The following FRMD4A variants were observed in gnomAD, a reference collection of about 807,000 sequenced individuals.
The protein encoded by FRMD4A is FERM domain containing 4A, also known as FERM domain-containing protein 4A.
A neutral mutation model predicts 129.1 loss-of-function variants in FRMD4A; 29 were observed. That is an observed-to-expected ratio of 0.22 (90% CI 0.17 to 0.31). The LOEUF (loss-of-function observed/expected upper bound fraction) is 0.31, where lower values mean the gene tolerates loss of function less well. Ranked by LOEUF, FRMD4A falls within the 10% of genes least tolerant of loss-of-function variation. The probability of loss-of-function intolerance (pLI) is 1.00; values close to 1 mark genes in which losing one functional copy is unlikely to be tolerated. For synonymous variants in FRMD4A, 634 were observed against 571.6 expected, an observed-to-expected ratio of 1.11 and a Z score of -1.56; for missense variants, 1,272 against 1,375.8, an observed-to-expected ratio of 0.92 and a Z score of 1.19.
intron 2 of FRMD4A, among the ~76,000 whole-genome samples, chr10:14,181,549 G>T (rs569273166): frequency 6.6e-6 from 1 of 152,160 alleles, no homozygotes; most frequent in South Asian, 2.1e-4. Flanking sequence ...CTTTTGTTGG[G>T]TTATTTCCAA....
intron 2 of FRMD4A, among the ~76,000 whole-genome samples, chr10:14,036,093 A>T (rs117205748): frequency 0.011 from 1,676 of 152,114 alleles, 11 homozygotes; most frequent in Middle Eastern, 0.027. Context: ...TGCAGTAAGG[A>T]TTAGTGTCTC....
At chr10:13,730,179 G>A (rs1162838164) in intron 12 of FRMD4A, among the ~76,000 whole-genome samples, 1 of 152,146 alleles carries the variant, frequency 6.6e-6, no homozygotes, top group East Asian at 1.9e-4. Context: ...GAGCTCTCAG[G>A]CTTTCTCGGG....
chr10:14,067,216 T>C (rs1046810716), intron 2 of FRMD4A, among the ~76,000 whole-genome samples: 1 of 151,810 alleles, frequency 6.6e-6, no homozygotes, highest in Admixed American at 6.6e-5. Context: ...CTCGGGAGGC[T>C]GAGGCAGGAG....
At chr10:13,787,485 G>A (rs1421212071) in intron 5 of FRMD4A, among the ~76,000 whole-genome samples, 1 of 151,982 alleles carries the variant, frequency 6.6e-6, no homozygotes, top group African/African-American at 2.4e-5. Flanking sequence ...TTTTTGAGAT[G>A]GGGTCTTGCT....
At chr10:13,985,089 G>C (rs2095576253) in intron 2 of FRMD4A, among the ~76,000 whole-genome samples, 2 of 152,240 alleles carry the variant, frequency 1.3e-5, no homozygotes, top group South Asian at 4.1e-4. Flanking sequence ...GTGGGCTTCA[G>C]GTAACCCTGT....
intron 11 of FRMD4A, among the ~76,000 whole-genome samples, chr10:13,739,743 C>T (rs2090874648): frequency 6.6e-6 from 1 of 152,208 alleles, no homozygotes; most frequent in African/African-American, 2.4e-5. Context: ...TGTCTCCCCG[C>T]AGTGTGCAAT....
intron 12 of FRMD4A, among the ~76,000 whole-genome samples, chr10:13,733,335 G>T (rs2090431106): frequency 1.3e-5 from 2 of 152,204 alleles, no homozygotes; most frequent in African/African-American, 4.8e-5. Flanking sequence ...TGAGTCCACG[G>T]CCTTGCCTTT....
chr10:13,793,057 C>T (rs2093037911), intron 5 of FRMD4A, among the ~76,000 whole-genome samples: 2 of 152,160 alleles, frequency 1.3e-5, no homozygotes, highest in South Asian at 4.1e-4. Flanking sequence ...ATATATAAAT[C>T]CCAAATAATA....
intron 2 of FRMD4A, among the ~76,000 whole-genome samples, chr10:14,036,327 G>T (rs111881733): frequency 5.4e-4 from 82 of 152,288 alleles, no homozygotes; most frequent in African/African-American, 1.9e-3. Context: ...ACTCCTGGGT[G>T]TGCCTGACAC....
chr10:14,140,459 G>A (rs546650161), intron 2 of FRMD4A, among the ~76,000 whole-genome samples: 15 of 152,334 alleles, frequency 9.8e-5, no homozygotes, highest in East Asian at 9.6e-4. Flanking sequence ...CTTCCAACCC[G>A]TTGAGATGGT....
At chr10:13,843,699 T>C (rs1020573801) in intron 3 of FRMD4A, among the ~76,000 whole-genome samples, 1 of 152,194 alleles carries the variant, frequency 6.6e-6, no homozygotes, top group Admixed American at 6.5e-5. Flanking sequence ...GATTTCACCA[T>C]GTTGGCCAGG....
chr10:13,769,350 C>G (rs914137701), intron 6 of FRMD4A, among the ~76,000 whole-genome samples: 1 of 151,736 alleles, frequency 6.6e-6, no homozygotes, highest in Non-Finnish European at 1.5e-5. Flanking sequence ...GCTCTGTCAC[C>G]CAGGCTGGAG....
chr10:13,806,687 AC>A (rs1206825057), intron 4 of FRMD4A, among the ~76,000 whole-genome samples: 4 of 152,202 alleles, frequency 2.6e-5, no homozygotes, highest in African/African-American at 9.6e-5. Context: ...CTGAGGTCAC[AC>A]CCAAGCTGAT....
chr10:14,186,354 T>G (rs955422265), intron 2 of FRMD4A, among the ~76,000 whole-genome samples: 2 of 152,240 alleles, frequency 1.3e-5, no homozygotes, highest in Admixed American at 1.3e-4. Context: ...CATGAAGAGA[T>G]AACTGCTCAT....
intron 2 of FRMD4A, among the ~76,000 whole-genome samples, chr10:13,935,690 C>T (rs2095243630): frequency 6.6e-6 from 1 of 152,012 alleles, no homozygotes; most frequent in Non-Finnish European, 1.5e-5. Flanking sequence ...TTTTTCAGCA[C>T]CTGCGATGTG....
At chr10:13,977,034 C>G (rs4503425) in intron 2 of FRMD4A, among the ~76,000 whole-genome samples, 52,007 of 152,096 alleles carry the variant, frequency 0.34, 9,283 homozygotes, top group East Asian at 0.6. Context: ...GCCTAAGTCA[C>G]ATCTGTTCTC....
intron 2 of FRMD4A, among the ~76,000 whole-genome samples, chr10:14,050,541 G>A (rs982785409): frequency 5.9e-5 from 9 of 152,090 alleles, no homozygotes; most frequent in East Asian, 1.9e-4. Context: ...TCATAAGATC[G>A]TTAAGGGAGG....
chr10:13,819,956 G>A (rs536854057), intron 3 of FRMD4A, among the ~76,000 whole-genome samples: 45 of 152,252 alleles, frequency 3.0e-4, no homozygotes, highest in African/African-American at 9.6e-4. Flanking sequence ...ACTCCTGAGC[G>A]CAAGGGATCC....
chr10:13,722,538 G>A (rs2089522276), intron 12 of FRMD4A, among the ~76,000 whole-genome samples: 1 of 151,864 alleles, frequency 6.6e-6, no homozygotes, highest in African/African-American at 2.4e-5. Flanking sequence ...GAGCCACTGT[G>A]GCTGGCCTCA....
Sources: allele counts gnomAD v4.1 joint callset (sites outside exome capture counted in the v4.1 genomes callset), GRCh38; gene constraint gnomAD v4.1.1; transcripts MANE v1.5; gene names NCBI Gene and HGNC (gene_info 2026-07-23, HGNC 2026-07-21).